The following PSMA6 variants were observed in gnomAD, a reference collection of about 807,000 sequenced individuals.
PSMA6 encodes proteasome subunit alpha type-6.
For synonymous variants in PSMA6, 88 were observed against 97.7 expected (o/e 0.90, Z 0.59); for missense variants, 170 against 294.8 (o/e 0.58, Z 3.10).
chr14:35,314,179 A>G (rs982407151), intron 5 of PSMA6, 182 bp from the exon 6 acceptor site: 5 of 526,162 alleles, frequency 9.5e-6, no homozygotes, highest in Non-Finnish European at 1.4e-5. Context: ...TTGACTTGGT[A>G]GAAAAAAATT....
intron 3 of PSMA6, 147 bp downstream of exon 3, chr14:35,309,142 T>C: frequency 1.6e-6 from 1 of 606,462 alleles, no homozygotes; most frequent in South Asian, 2.4e-5. Flanking sequence ...CTAAGACTAG[T>C]ATCAATATTT....
chr14:35,280,252 C>T (rs2051352427), intron 1 of PSMA6, among the ~76,000 whole-genome samples: 1 of 152,068 alleles, frequency 6.6e-6, no homozygotes, highest in Admixed American at 6.5e-5. Context: ...CCAGGCTGGC[C>T]AACATGGCAA....
chr14:35,307,944 G>C, intron 1 of PSMA6, 50 bp from the exon 2 acceptor site: 1 of 1,543,468 alleles, frequency 6.5e-7, no homozygotes, highest in Non-Finnish European at 8.9e-7. Context: ...TTCATTGCAA[G>C]AATCTACAGT....
intron 1 of PSMA6, among the ~76,000 whole-genome samples, chr14:35,281,086 C>T (rs908260625): frequency 6.6e-6 from 1 of 152,192 alleles, no homozygotes; most frequent in African/African-American, 2.4e-5. Flanking sequence ...CCTCTATTGA[C>T]CTTTCCCATC....
upstream of PSMA6, among the ~76,000 whole-genome samples, chr14:35,291,220 C>CTTT (rs549426154): frequency 3.0e-3 from 375 of 126,002 alleles, 4 homozygotes; most frequent in African/African-American, 0.011. Flanking sequence ...GGCTTTCTTT[C>CTTT]TTTTTTTTTT....
intron 1 of PSMA6, among the ~76,000 whole-genome samples, chr14:35,306,594 C>T (rs913901254): frequency 6.6e-6 from 1 of 152,130 alleles, no homozygotes; most frequent in South Asian, 2.1e-4. Context: ...ATCCCAACTA[C>T]TCAGGACGAG....
chr14:35,285,368 C>T (rs2005535), intron 1 of PSMA6, among the ~76,000 whole-genome samples: 27,131 of 125,622 alleles, frequency 0.22, 4,628 homozygotes, highest in African/African-American at 0.48. Context: ...AAAAAAAAAC[C>T]GTAGCACACT....
intron 1 of PSMA6, among the ~76,000 whole-genome samples, chr14:35,305,693 A>G (rs1594387985): frequency 6.6e-6 from 1 of 152,212 alleles, no homozygotes; most frequent in East Asian, 1.9e-4. Context: ...GTTATATGTC[A>G]AAATGTAAAT....
chr14:35,305,037 G>T (rs1275771099), intron 1 of PSMA6, among the ~76,000 whole-genome samples: 3 of 152,160 alleles, frequency 2.0e-5, no homozygotes, highest in Non-Finnish European at 4.4e-5. Flanking sequence ...TTGTGCCACT[G>T]CACTCAGCCT....
chr14:35,299,303 GT>G (rs2051661872), intron 1 of PSMA6, among the ~76,000 whole-genome samples: 4 of 137,400 alleles, frequency 2.9e-5, no homozygotes, highest in Non-Finnish European at 6.2e-5. Flanking sequence ...GATTATAGGT[GT>G]GAGCCGCCGC....
chr14:35,301,506 CAA>C (rs79173803), intron 1 of PSMA6, among the ~76,000 whole-genome samples: 8 of 142,516 alleles, frequency 5.6e-5, no homozygotes, highest in Non-Finnish European at 4.6e-5. Context: ...GACTCCATCT[CAA>C]AAAAAAAAAA....
At chr14:35,278,958 C>G (rs2051335833) in intron 1 of PSMA6, among the ~76,000 whole-genome samples, 1 of 152,016 alleles carries the variant, frequency 6.6e-6, no homozygotes. Context: ...TACTTATTCT[C>G]TAGGAACTCT....
chr14:35,305,173 T>C (rs1290809159), intron 1 of PSMA6, among the ~76,000 whole-genome samples: 1 of 151,896 alleles, frequency 6.6e-6, no homozygotes, highest in East Asian at 1.9e-4. Context: ...AATGGGGTCT[T>C]GCTCTGTTGC....
intron 1 of PSMA6, among the ~76,000 whole-genome samples, chr14:35,280,736 C>T (rs905492246): frequency 6.6e-6 from 1 of 151,442 alleles, no homozygotes. Flanking sequence ...TGTTTGTTTT[C>T]GAAATGGGGT....
At chr14:35,285,397 A>G (rs764715012) in intron 1 of PSMA6, among the ~76,000 whole-genome samples, 3 of 151,928 alleles carry the variant, frequency 2.0e-5, no homozygotes, top group Non-Finnish European at 4.4e-5. Context: ...TCTATCAATA[A>G]CTGGACTCTC....
At chr14:35,294,354 T>G (rs2051542381) in intron 1 of PSMA6, among the ~76,000 whole-genome samples, 1 of 152,200 alleles carries the variant, frequency 6.6e-6, no homozygotes, top group Admixed American at 6.5e-5. Flanking sequence ...ATGATTTTAA[T>G]CTCTGTGAAT....
intron 6 of PSMA6, chr14:35,315,304 T>C (rs564853087): frequency 1.1e-4 from 16 of 152,210 alleles, no homozygotes; most frequent in Admixed American, 3.3e-4. Flanking sequence ...GAAGAGGTTT[T>C]TCGTTTGTTC....
chr14:35,278,830 C>A (rs10137019), intron 1 of PSMA6: 127,967 of 1,305,056 alleles, frequency 0.098, 12,329 homozygotes, highest in African/African-American at 0.45. Context: ...TCTAGAATCC[C>A]AAGTTGCTTT....
chr14:35,301,831 G>A (rs1158648057), intron 1 of PSMA6, among the ~76,000 whole-genome samples: 1 of 152,190 alleles, frequency 6.6e-6, no homozygotes, highest in Non-Finnish European at 1.5e-5. Flanking sequence ...TAAGCAATAA[G>A]CATGTATTCA....
Sources: allele counts gnomAD v4.1 joint callset (sites outside exome capture counted in the v4.1 genomes callset), GRCh38; gene constraint gnomAD v4.1.1; transcripts MANE v1.5; gene names NCBI Gene and HGNC (gene_info 2026-07-23, HGNC 2026-07-21).